RREB1: variants seen among roughly 807,000 people sequenced by gnomAD.
The protein encoded by RREB1 is ras-responsive element-binding protein 1.
RREB1 carries 27 observed loss-of-function variants against 117.8 expected under a neutral mutation model. That is an observed-to-expected ratio of 0.23 (90% CI 0.17 to 0.32). RREB1 has a LOEUF of 0.32. RREB1 is among the 10% of genes least tolerant of loss of function. The probability of loss-of-function intolerance (pLI) is 1.00; values close to 1 mark genes in which losing one functional copy is unlikely to be tolerated. For missense variants in RREB1, 2,577 were observed against 2,378.2 expected (o/e 1.08, Z -1.74); for synonymous variants, 1,298 against 1,026.7 (o/e 1.26, Z -5.05).
chr6:7,123,691 A>G (rs1254681617), intron 1 of RREB1, among the ~76,000 whole-genome samples: 1 of 145,888 alleles, frequency 6.9e-6, no homozygotes, highest in African/African-American at 2.6e-5. Flanking sequence ...GCTCACTGCA[A>G]GCTCCGCCTC....
Position 7,249,248 on chromosome 6 carries a change from T to C in RREB1, c.*280T>C, listed in dbSNP as rs1470428029. The C allele has an allele frequency of 9.6e-6, 4 of 417,054 alleles. No homozygotes were observed. Among genetic ancestry groups the C allele is most frequent in the Non-Finnish European group, 8.5e-6 (2 of 234,796 alleles). 25.8% of individuals were successfully genotyped at this position (417,054 alleles called of 1,614,324 possible). ...GGGTGTTGTATTTTTCCAAAATGACTTCTTAAACAAAACAAATATTATAAT... is the reference window on the plus strand; with the variant it reads ...GGGTGTTGTATTTTTCCAAAATGACCTCTTAAACAAAACAAATATTATAAT... On this transcript the variant is annotated 3_prime_UTR_variant, in exon 13 of 13. Transcript: ENST00000379938.
intron 1 of RREB1, among the ~76,000 whole-genome samples, chr6:7,135,289 C>T (rs112196599): frequency 1.4e-3 from 220 of 152,194 alleles, no homozygotes; most frequent in African/African-American, 4.5e-3. Flanking sequence ...AATCAGTAAA[C>T]GTAAACAAAA....
rs148742062 is a variant in RREB1 at position 7,247,028 on chromosome 6, G to C, written c.4578G>C (p.Thr1526=). ...CGGCGGAAAAGCTCGCGGAGGAGACGGAGGGCCCCTCCGACGGGGAGAGCG... is the reference window on the plus strand; with the variant it reads ...CGGCGGAAAAGCTCGCGGAGGAGACCGAGGGCCCCTCCGACGGGGAGAGCG... ...EAPAEKLAEE[T]EGPSDGESAA... Residue 1526 remains threonine (T), a synonymous_variant, in exon 12 of 13, where the codon ACG becomes ACC. Coordinates refer to ENST00000379938, the MANE Select transcript of RREB1 (RefSeq NM_001003699.4). The C allele has an allele frequency of 5.7e-5, 92 of 1,611,476 alleles. No homozygotes were observed. The African/African-American group carries it at 1.2e-3, about 20-fold the overall frequency.
Position 7,181,853 on chromosome 6 carries a change from C to A in RREB1, c.-42-17C>A. 2 of 1,571,884 alleles carry A rather than the reference C, an allele frequency of 1.3e-6. No homozygotes were observed. Among genetic ancestry groups the A allele is most frequent in the Non-Finnish European group, 1.8e-6 (2 of 1,141,950 alleles). ...CTAAACTTCCCCATGATCACATCAG[C>A]AATTTCCAATTTTCAGTTTTATAGC... On this transcript the variant is annotated splice_polypyrimidine_tract_variant and intron_variant, in intron 3 of 12. Transcript: ENST00000379938.
intron 1 of RREB1, among the ~76,000 whole-genome samples, chr6:7,173,450 G>C (rs946828705): frequency 6.6e-6 from 1 of 151,302 alleles, no homozygotes; most frequent in African/African-American, 2.4e-5. Context: ...CCAAGATCGC[G>C]TCACTGCACT....
At chr6:7,232,498 G>A (rs760710086) in intron 10 of RREB1, among the ~76,000 whole-genome samples, 1 of 152,180 alleles carries the variant, frequency 6.6e-6, no homozygotes, top group Non-Finnish European at 1.5e-5. Flanking sequence ...GCAATGAGTG[G>A]TGGTAGAATG....
intron 4 of RREB1, chr6:7,185,258 A>T (rs1401466886): frequency 6.6e-6 from 1 of 152,198 alleles, no homozygotes; most frequent in African/African-American, 2.4e-5. Flanking sequence ...TAGTTCTCAG[A>T]CCCAATTCCA....
intron 1 of RREB1, among the ~76,000 whole-genome samples, chr6:7,114,470 G>GT (rs1554114387): frequency 2.5e-5 from 1 of 39,876 alleles, no homozygotes; most frequent in Non-Finnish European, 1.0e-4. Context: ...GTTTCTGGTG[G>GT]GGGGGGGGGC....
At chr6:7,138,072 T>C (rs1351009538) in intron 1 of RREB1, among the ~76,000 whole-genome samples, 2 of 152,354 alleles carry the variant, frequency 1.3e-5, no homozygotes, top group African/African-American at 2.4e-5. Context: ...CTCAGTCAGA[T>C]GGCATTAGAC....
intron 1 of RREB1, among the ~76,000 whole-genome samples, chr6:7,131,521 T>C (rs1762156125): frequency 6.6e-6 from 1 of 152,218 alleles, no homozygotes; most frequent in South Asian, 2.1e-4. Flanking sequence ...GGGGCTTAGT[T>C]TAAATAACTT....
At chr6:7,221,876 A>G (rs1437357904) in intron 8 of RREB1, among the ~76,000 whole-genome samples, 3 of 152,226 alleles carry the variant, frequency 2.0e-5, no homozygotes, top group Non-Finnish European at 4.4e-5. Context: ...CTGATTTTTC[A>G]CGTTAGCTAA....
Position 7,247,225 on chromosome 6 carries a change from A to AC in RREB1, c.4771+6dup. On this transcript the variant is annotated splice_donor_region_variant and intron_variant, in intron 12 of 12. Coordinates refer to ENST00000379938, the MANE Select transcript of RREB1 (RefSeq NM_001003699.4). ...CGGCACATGCGCTCCCACACAGGTA[A>AC]CCAGGGCAGGCCAGGTCCCCGGCCC... is the stretch of plus-strand genomic sequence containing the variant. The AC allele has an allele frequency of 6.2e-7, 1 of 1,610,836 alleles. No homozygotes were observed. The highest frequency in any genetic ancestry group is 1.7e-5 in the Admixed American group (1 of 59,790).
chr6:7,160,355 A>G (rs1763591347), intron 1 of RREB1, among the ~76,000 whole-genome samples: 1 of 152,214 alleles, frequency 6.6e-6, no homozygotes, highest in Non-Finnish European at 1.5e-5. Flanking sequence ...TAGTGACATC[A>G]AATTATACTT....
intron 8 of RREB1, among the ~76,000 whole-genome samples, chr6:7,226,132 C>G (rs554080320): frequency 6.6e-6 from 1 of 152,268 alleles, no homozygotes; most frequent in East Asian, 1.9e-4. Flanking sequence ...CCCATTAATG[C>G]CTGATCGAGG....
chr6:7,230,147 A>G lies in RREB1; in HGVS notation c.2048A>G (p.Lys683Arg), dbSNP rs1185824587. 2.5e-6 allele frequency: 4 copies of G among 1,606,120 alleles called. No individual in the cohort carries two copies. The South Asian group carries it at 3.3e-5, about 13-fold the overall frequency. Residue 683 changes from lysine (K) to arginine (R), a missense_variant, in exon 10 of 13, where the codon AAG becomes AGG. Lys to Arg is a conservative substitution (Grantham distance 26, BLOSUM62 2). Coordinates refer to ENST00000379938, the MANE Select transcript of RREB1 (RefSeq NM_001003699.4). ...ATCTGCGACTACATCGCCGCCGACAAGGCCGCGCTCATCCGCCACCTGCGC... is the reference window on the plus strand; with the variant it reads ...ATCTGCGACTACATCGCCGCCGACAGGGCCGCGCTCATCCGCCACCTGCGC... The part of the protein sequence containing the change: ...CNICDYIAAD[K>R]AALIRHLRTH...
chr6:7,177,201 A>G (rs1764540115), intron 2 of RREB1, among the ~76,000 whole-genome samples: 1 of 140,270 alleles, frequency 7.1e-6, no homozygotes, highest in Non-Finnish European at 1.5e-5. Flanking sequence ...TGTGGGCAAT[A>G]GAGTGAGACT....
At chr6:7,151,903 T>G (rs1359652464) in intron 1 of RREB1, among the ~76,000 whole-genome samples, 7 of 152,234 alleles carry the variant, frequency 4.6e-5, no homozygotes, top group Admixed American at 4.6e-4. Context: ...GTGTCTCTTG[T>G]GATGAACAGG....
intron 6 of RREB1, among the ~76,000 whole-genome samples, chr6:7,198,724 A>G (rs1304056928): frequency 1.3e-5 from 2 of 152,226 alleles, no homozygotes; most frequent in African/African-American, 4.8e-5. Context: ...ACTAAAATAG[A>G]CATACTTCTG....
rs141635364 is a variant in RREB1, at chr6:7,230,882, A to G, written c.2783A>G (p.Tyr928Cys). The G allele has an allele frequency of 2.2e-5, 35 of 1,614,156 alleles. 1 individual carries two copies. Among genetic ancestry groups the G allele is most frequent in the African/African-American group, 1.6e-4 (12 of 75,056 alleles). ...CTGAGCCCTTCTTCCCTGGTCCCCT[A>G]TGACTGCTCCATGGAGCCCATCGAC... is the stretch of plus-strand genomic sequence containing the variant. ...SFLSPSSLVP[Y>C]DCSMEPIDLS... The change falls in exon 10 of 13, where the codon TAT (tyrosine) becomes TGT (cysteine). Residue 928 changes from tyrosine to cysteine, a missense_variant. Coordinates refer to ENST00000379938, the MANE Select transcript of RREB1 (RefSeq NM_001003699.4).
Sources: allele counts gnomAD v4.1 joint callset (sites outside exome capture counted in the v4.1 genomes callset), GRCh38; gene constraint gnomAD v4.1.1; transcripts MANE v1.5; gene names NCBI Gene and HGNC (gene_info 2026-07-23, HGNC 2026-07-21).